CCDC93: variants seen among roughly 807,000 people sequenced by gnomAD.
CCDC93 encodes CCC complex scaffolding subunit CCDC93.
A neutral mutation model predicts 108.2 loss-of-function variants in CCDC93; 61 were observed. That is an observed-to-expected ratio of 0.56 (90% CI 0.46 to 0.70). The LOEUF is 0.70. CCDC93 is among the 30% of genes least tolerant of loss of function. The pLI is 0.00. For missense variants in CCDC93, 685 were observed against 764.2 expected (o/e 0.90, Z 1.22); for synonymous variants, 276 against 260.4 (o/e 1.06, Z -0.58).
rs566958863 is a variant in CCDC93 at position 117,931,555 on chromosome 2, C to T, written c.1729-405G>A. ...CAATGCTGCTAAACATCCTACATTG[C>T]ACAGGACACCCCCACAGCAAAGAAT... On this transcript the variant is annotated intron_variant, in intron 22 of 23. Transcript: ENST00000376300. The T allele has an allele frequency of 1.4e-4, 25 of 174,762 alleles. No individual in the cohort carries two copies. In the East Asian group the frequency reaches 4.2e-3, roughly 29 times the overall value. 10.8% of individuals were successfully genotyped at this position (174,762 alleles called of 1,614,324 possible). A position where few individuals can be genotyped will look rare whatever the true frequency, so the allele number is the denominator to read the frequency against.
chr2:117,990,220 G>A (rs1680436115), intron 6 of CCDC93, among the ~76,000 whole-genome samples: 1 of 152,204 alleles, frequency 6.6e-6, no homozygotes, highest in African/African-American at 2.4e-5. Flanking sequence ...CAGTACATGA[G>A]ACAGAGGAGC....
chr2:117,989,313 T>C (rs1240731226), intron 6 of CCDC93, among the ~76,000 whole-genome samples: 1 of 152,172 alleles, frequency 6.6e-6, no homozygotes, highest in Non-Finnish European at 1.5e-5. Flanking sequence ...GCCTCCTCTA[T>C]GATCTTGGAG....
At chr2:117,951,180 C>T in intron 13 of CCDC93, 1 of 985,302 alleles carries the variant, frequency 1.0e-6, no homozygotes, top group Non-Finnish European at 1.2e-6. Flanking sequence ...GACAGATCCA[C>T]GAATTGGCAA....
At chr2:117,920,449 G>T in intron 23 of CCDC93, 53 bp from the exon 24 acceptor site, 1 of 1,296,110 alleles carries the variant, frequency 7.7e-7, no homozygotes, top group Non-Finnish European at 1.1e-6. Flanking sequence ...TAGCACCCAT[G>T]TGAGGCCAAG....
intron 22 of CCDC93, among the ~76,000 whole-genome samples, chr2:117,932,499 T>G (rs928898466): frequency 6.6e-6 from 1 of 152,182 alleles, no homozygotes; most frequent in Non-Finnish European, 1.5e-5. Flanking sequence ...ATTTGCCTAG[T>G]CAAATCCTGA....
At chr2:117,983,556 T>C (rs1166591900) in intron 7 of CCDC93, among the ~76,000 whole-genome samples, 1 of 146,808 alleles carries the variant, frequency 6.8e-6, no homozygotes, top group African/African-American at 2.5e-5. Flanking sequence ...TAATGATGAT[T>C]ATAATAAGGA....
chr2:117,952,261 A>T lies in CCDC93; in HGVS notation c.1068+112T>A, dbSNP rs1679081167. 3 of 780,204 alleles carry T rather than the reference A, an allele frequency of 3.8e-6. No individual in the cohort carries two copies. In the African/African-American group the frequency reaches 5.1e-5, roughly 13 times the overall value. The allele number at this position is 780,204 out of a possible 1,614,324, so 48.3% of individuals were successfully genotyped here. On this transcript the variant is annotated intron_variant, in intron 13 of 23. Coordinates refer to ENST00000376300, the MANE Select transcript of CCDC93 (RefSeq NM_019044.5). The stretch of plus-strand genomic sequence containing the variant: ...CAAAATGACTGCAGCCTCTGAGAAC[A>T]GGATCGTGTCTCCCACACACAGACC...
rs1163474990 is a variant in CCDC93, at chr2:117,915,558, A to AT, written c.*4784_*4785insA. ...TTCTTCCATTTTGGTTCTATTAAGA[A>AT]AAGTATACCAAATTAAAAATTAAGA... On this transcript the variant is annotated 3_prime_UTR_variant, in exon 24 of 24. Coordinates refer to ENST00000376300, the MANE Select transcript of CCDC93 (RefSeq NM_019044.5). The AT allele has an allele frequency of 4.6e-5, 7 of 152,224 alleles. No homozygotes were observed. The highest frequency in any genetic ancestry group is 1.7e-4 in the African/African-American group (7 of 41,456). 9.4% of individuals were successfully genotyped at this position (152,224 alleles called of 1,614,324 possible). A position where few individuals can be genotyped will look rare whatever the true frequency, so the allele number is the denominator to read the frequency against.
At chr2:117,946,787 C>T in intron 16 of CCDC93, 24 bp downstream of exon 16, 1 of 1,566,810 alleles carries the variant, frequency 6.4e-7, no homozygotes, top group East Asian at 2.2e-5. Flanking sequence ...CTGAGAGTCT[C>T]AAGGACTAAT....
At chr2:118,006,878 G>A in intron 2 of CCDC93, 62 bp from the exon 3 acceptor site, 1 of 968,464 alleles carries the variant, frequency 1.0e-6, no homozygotes, top group Admixed American at 1.8e-5. Flanking sequence ...GGAAGAAGTG[G>A]AAGGTAGATG....
In CCDC93 at chr2:117,986,080, G is replaced by A. The variant is rs551258433; in HGVS notation, c.520-11C>T. 1.3e-6 allele frequency: 2 copies of A among 1,563,502 alleles called. No homozygotes were observed. Among genetic ancestry groups the A allele is most frequent in the African/African-American group, 1.4e-5 (1 of 73,720 alleles). On this transcript the variant is annotated splice_polypyrimidine_tract_variant and intron_variant, in intron 6 of 23. Transcript: ENST00000376300. Reference sequence around the variant, plus strand: ...GGGCTTGTACACTTCCTAAGTGGATGAGACAGCCAAGTTACTGAGTGTGAG... The same window carrying A: ...GGGCTTGTACACTTCCTAAGTGGATAAGACAGCCAAGTTACTGAGTGTGAG...
At chr2:117,951,263 C>T in intron 13 of CCDC93, 1 of 985,372 alleles carries the variant, frequency 1.0e-6, no homozygotes, top group Non-Finnish European at 1.2e-6. Context: ...GCCATCTAAT[C>T]CGTAAGGAAC....
chr2:117,936,762 G>A (rs376128206), intron 20 of CCDC93, 23 bp from the exon 21 acceptor site: 179 of 1,604,350 alleles, frequency 1.1e-4, no homozygotes, highest in Non-Finnish European at 1.4e-4. Context: ...AAAAACAAAC[G>A]AAATTATAAG....
intron 23 of CCDC93, among the ~76,000 whole-genome samples, chr2:117,926,119 G>A (rs1307795345): frequency 7.2e-5 from 11 of 152,058 alleles, no homozygotes; most frequent in Non-Finnish European, 1.0e-4. Flanking sequence ...ATTCAAAGCA[G>A]TGTGTAGAGG....
At chr2:117,962,355 AC>A (rs1679423654) in intron 11 of CCDC93, among the ~76,000 whole-genome samples, 1 of 152,190 alleles carries the variant, frequency 6.6e-6, no homozygotes, top group Non-Finnish European at 1.5e-5. Flanking sequence ...CCAATTAAGG[AC>A]AAGTAGGCTG....
chr2:117,965,007 G>A (rs1211918926), intron 11 of CCDC93, among the ~76,000 whole-genome samples: 1 of 152,102 alleles, frequency 6.6e-6, no homozygotes, highest in Non-Finnish European at 1.5e-5. Flanking sequence ...GGAATACAAA[G>A]ATAAAAAATG....
At position 117,919,102 on chromosome 2, in the gene CCDC93, C is replaced by T. The variant is rs1677780961; in HGVS notation, c.*1241G>A. ...CAGAACATGACTGAGTTACCAGACTCCTGAGGACCAGGGCAGCAGGAGCTC... is the reference window on the plus strand; with the variant it reads ...CAGAACATGACTGAGTTACCAGACTTCTGAGGACCAGGGCAGCAGGAGCTC... On this transcript the variant is annotated 3_prime_UTR_variant, in exon 24 of 24. Coordinates refer to ENST00000376300, the MANE Select transcript of CCDC93 (RefSeq NM_019044.5). The T allele has an allele frequency of 6.6e-6, 1 of 152,168 alleles. No individual in the cohort carries two copies. The highest frequency in any genetic ancestry group is 1.5e-5 in the Non-Finnish European group (1 of 68,048). The allele number at this position is 152,168 out of a possible 1,614,324, so 9.4% of individuals were successfully genotyped here. A position where few individuals can be genotyped will look rare whatever the true frequency, so the allele number is the denominator to read the frequency against.
Position 117,985,756 on chromosome 2 carries a change from G to C in CCDC93, c.620+213C>G, listed in dbSNP as rs192749903. ...TGGAACACCCCAACTCCCAAAGGAA[G>C]GCAGAGCCAGGTGCACATTTCCAGA... On this transcript the variant is annotated intron_variant, in intron 7 of 23. Transcript: ENST00000376300. 1.7e-3 allele frequency among the ~76,000 whole-genome samples: 263 copies of C among 152,292 alleles called. 5 individuals are homozygous for C. Among genetic ancestry groups the C allele is most frequent in the African/African-American group, 6.0e-3 (251 of 41,558 alleles).
At chr2:117,971,760 T>TA (rs1679770618) in intron 11 of CCDC93, among the ~76,000 whole-genome samples, 1 of 152,222 alleles carries the variant, frequency 6.6e-6, no homozygotes, top group Non-Finnish European at 1.5e-5. Context: ...TTTAGACATA[T>TA]ATGATGATTA....
Sources: allele counts gnomAD v4.1 joint callset (sites outside exome capture counted in the v4.1 genomes callset), GRCh38; gene constraint gnomAD v4.1.1; transcripts MANE v1.5; gene names NCBI Gene and HGNC (gene_info 2026-07-23, HGNC 2026-07-21).